TRAPPC9: variants seen among roughly 807,000 people sequenced by gnomAD.
TRAPPC9 encodes trafficking protein particle complex subunit 9, also known as IKK2 binding protein.
TRAPPC9 carries 83 observed loss-of-function variants against 124.0 expected under a neutral mutation model. The ratio of observed to expected loss-of-function variants is 0.67; its 90% CI spans 0.56 to 0.80. The LOEUF is 0.80. Ranked by LOEUF, TRAPPC9 falls within the 30% of genes least tolerant of loss-of-function variation. The pLI is 0.00. For missense variants in TRAPPC9, 1,302 were observed against 1,508.3 expected (o/e 0.86, Z 2.27); for synonymous variants, 638 against 617.5 (o/e 1.03, Z -0.49).
intron 16 of TRAPPC9, among the ~76,000 whole-genome samples, chr8:140,251,240 G>A (rs1008382359): frequency 3.3e-5 from 5 of 152,188 alleles, no homozygotes; most frequent in African/African-American, 1.2e-4. Flanking sequence ...GTGTTCCAGG[G>A]GCAGGTGCTG....
At chr8:139,829,071 T>C (rs7844870) in intron 21 of TRAPPC9, among the ~76,000 whole-genome samples, 35,820 of 152,206 alleles carry the variant, frequency 0.24, 6,344 homozygotes, top group African/African-American at 0.48. Context: ...CAGATCAACA[T>C]GGCAAGCTTC....
intron 21 of TRAPPC9, among the ~76,000 whole-genome samples, chr8:139,741,850 T>C (rs1425760661): frequency 6.6e-6 from 1 of 152,198 alleles, no homozygotes; most frequent in Non-Finnish European, 1.5e-5. Context: ...CATGGGTCAG[T>C]GCTGCGTTCT....
chr8:139,835,453 G>A (rs144549109), intron 21 of TRAPPC9, among the ~76,000 whole-genome samples: 173 of 152,358 alleles, frequency 1.1e-3, no homozygotes, highest in African/African-American at 3.9e-3. Context: ...TCACTGTGAT[G>A]GCGCGCACGT....
intron 21 of TRAPPC9, among the ~76,000 whole-genome samples, chr8:139,874,226 A>G (rs1158466605): frequency 2.6e-5 from 4 of 152,294 alleles, no homozygotes; most frequent in Admixed American, 2.6e-4. Context: ...ATCTGGGCAC[A>G]TCAACATGGA....
chr8:139,905,559 GAGA>G (rs964423538), intron 20 of TRAPPC9, among the ~76,000 whole-genome samples: 1 of 152,122 alleles, frequency 6.6e-6, no homozygotes, highest in Non-Finnish European at 1.5e-5. Flanking sequence ...GAAGCAGAGA[GAGA>G]AGGTGGCCAT....
intron 2 of TRAPPC9, among the ~76,000 whole-genome samples, chr8:140,442,513 G>T (rs946838596): frequency 2.0e-5 from 3 of 151,534 alleles, no homozygotes; most frequent in Non-Finnish European, 4.4e-5. Context: ...CAGGAGAATG[G>T]TGTGAACCTG....
chr8:140,203,249 AAC>A (rs1463010829), intron 17 of TRAPPC9, among the ~76,000 whole-genome samples: 2 of 152,226 alleles, frequency 1.3e-5, no homozygotes, highest in East Asian at 3.8e-4. Flanking sequence ...TTACGGGGAA[AAC>A]ACACCCGCAG....
In TRAPPC9 at chr8:140,435,183, C is replaced by G; in HGVS notation, c.788G>C (p.Gly263Ala). ...GAACCTCCGAGCTCCACTCTTCCCA[C>G]CAGTTCCACCAGGATAGTGATAGAT... Reference protein sequence around the residue: ...SVIYHYPGGTGGKSGARRFQG... With the variant: ...SVIYHYPGGTAGKSGARRFQG... The change falls in exon 4 of 23, where the codon GGT becomes GCT. Residue 263 changes from glycine (G) to alanine (A), a missense_variant. Coordinates refer to ENST00000438773, the MANE Select transcript of TRAPPC9 (RefSeq NM_001160372.4). 1.2e-6 allele frequency: 2 copies of G among 1,614,118 alleles called. No individual in the cohort carries two copies. Among genetic ancestry groups the G allele is most frequent in the Non-Finnish European group, 1.7e-6 (2 of 1,179,966 alleles).
rs553709105 is a variant in TRAPPC9, at chr8:140,024,395, T to C, written c.2557-316A>G. Among the ~76,000 whole-genome samples the C allele has an allele frequency of 3.2e-3, 432 of 133,728 alleles. 3 individuals are homozygous for C. The highest frequency in any genetic ancestry group is 0.012 in the South Asian group (49 of 4,040). The allele number at this position is 133,728 out of a possible 152,430, so 87.7% of individuals were successfully genotyped here. On this transcript the variant is annotated intron_variant, in intron 17 of 22. Transcript: ENST00000438773. ...CCAAAACTTACTCTGTGGTTAAATA[T>C]GGTTTCTTTTTTTTTTTTTTGGAGA...
chr8:140,282,934 T>C (rs1486895460), intron 14 of TRAPPC9, among the ~76,000 whole-genome samples: 1 of 152,120 alleles, frequency 6.6e-6, no homozygotes, highest in Non-Finnish European at 1.5e-5. Context: ...AGATCAAAAC[T>C]ATTTCTTACA....
chr8:140,336,941 T>A (rs1028754888), intron 9 of TRAPPC9, among the ~76,000 whole-genome samples: 2 of 152,132 alleles, frequency 1.3e-5, no homozygotes, highest in Non-Finnish European at 2.9e-5. Flanking sequence ...CTCCAAAAGC[T>A]GTAAGCTTCC....
At chr8:139,932,261 C>A in intron 19 of TRAPPC9, 1 of 452,664 alleles carries the variant, frequency 2.2e-6, no homozygotes. Context: ...TCCCGCACCA[C>A]GGGGCCTCGC....
At chr8:140,198,810 G>A (rs2062721280) in intron 17 of TRAPPC9, among the ~76,000 whole-genome samples, 1 of 152,158 alleles carries the variant, frequency 6.6e-6, no homozygotes, top group African/African-American at 2.4e-5. Flanking sequence ...TTTCCTGAAT[G>A]GCAGGAACCA....
chr8:140,432,183 C>A (rs577746632), intron 4 of TRAPPC9, among the ~76,000 whole-genome samples: 1 of 151,890 alleles, frequency 6.6e-6, no homozygotes, highest in South Asian at 2.1e-4. Flanking sequence ...CCAGAAAGGT[C>A]TTTCCAGGTT....
intron 21 of TRAPPC9, among the ~76,000 whole-genome samples, chr8:139,774,150 C>G (rs895272354): frequency 2.0e-5 from 3 of 152,184 alleles, no homozygotes; most frequent in Non-Finnish European, 2.9e-5. Context: ...GGAGGCCCCA[C>G]GAAGCTCCCA....
intron 20 of TRAPPC9, among the ~76,000 whole-genome samples, chr8:139,894,567 G>C (rs1361568735): frequency 6.6e-6 from 1 of 152,264 alleles, no homozygotes; most frequent in Non-Finnish European, 1.5e-5. Flanking sequence ...AGGGAGGGGG[G>C]GGCTGCTGCT....
chr8:140,312,351 T>C (rs2131888055), intron 9 of TRAPPC9, among the ~76,000 whole-genome samples: 1 of 152,162 alleles, frequency 6.6e-6, no homozygotes, highest in East Asian at 1.9e-4. Context: ...CGAAGTTAGA[T>C]CCGACTCCAG....
At chr8:139,968,295 C>T (rs1433690518) in intron 19 of TRAPPC9, among the ~76,000 whole-genome samples, 4 of 152,204 alleles carry the variant, frequency 2.6e-5, no homozygotes, top group East Asian at 1.9e-4. Context: ...TGTTTAGCTG[C>T]CTATTATCTG....
intron 17 of TRAPPC9, among the ~76,000 whole-genome samples, chr8:140,053,109 T>C (rs185950446): frequency 2.0e-5 from 3 of 152,280 alleles, no homozygotes; most frequent in African/African-American, 7.2e-5. Flanking sequence ...AATAGAAAAG[T>C]CACCATTTGG....
Sources: allele counts gnomAD v4.1 joint callset (sites outside exome capture counted in the v4.1 genomes callset), GRCh38; gene constraint gnomAD v4.1.1; transcripts MANE v1.5; gene names NCBI Gene and HGNC (gene_info 2026-07-23, HGNC 2026-07-21).